ANK3: variants seen among roughly 807,000 people sequenced by gnomAD.
The protein encoded by ANK3 is ankyrin 3.
Under a neutral mutation model 370.9 loss-of-function variants are expected in ANK3, and 57 were observed. The ratio of observed to expected loss-of-function variants is 0.15; its 90% CI spans 0.12 to 0.19. ANK3 has a LOEUF of 0.19. Among genes scored for constraint, ANK3 ranks in the 10% least tolerant of loss-of-function variants. ANK3 has a pLI of 1.00. For missense variants in ANK3, 4,439 were observed against 5,302.1 expected (o/e 0.84, Z 5.06); for synonymous variants, 1,929 against 1,946.3 (o/e 0.99, Z 0.23).
chr10:60,446,950 T>C (rs548817918), intron 2 of ANK3, among the ~76,000 whole-genome samples: 16 of 152,318 alleles, frequency 1.1e-4, no homozygotes, highest in African/African-American at 3.4e-4. Context: ...GGGTCTTGTA[T>C]GTAAGAAGTA....
intron 2 of ANK3, among the ~76,000 whole-genome samples, chr10:60,419,178 A>G (rs949474082): frequency 4.6e-5 from 7 of 152,174 alleles, no homozygotes; most frequent in Non-Finnish European, 7.4e-5. Context: ...TTAAAAATCC[A>G]TTGGAAAGAG....
In ANK3 at chr10:60,070,306, A is replaced by G. The variant is rs1312144873; in HGVS notation, c.10575T>C (p.Asp3525=). Residue 3525 remains aspartate, a synonymous_variant, in exon 37 of 44, where the codon GAT becomes GAC. Coordinates refer to ENST00000280772, the MANE Select transcript of ANK3 (RefSeq NM_020987.5). The surrounding 1 kb of genome is among the most constrained non-coding windows in gnomAD (Gnocchi z 5.7). ...TTTTAAAAGGAGTGGCAAATTCTTC[A>G]TCTACTTTGTAACTGAAGTAAGTAT... ...FPDTYFSYKV[D]EEFATPFKTV... is the part of the protein sequence containing the mutation. 1.1e-5 allele frequency: 17 copies of G among 1,614,026 alleles called. No individual in the cohort carries two copies. Among genetic ancestry groups the G allele is most frequent in the Non-Finnish European group, 1.4e-5 (16 of 1,180,022 alleles).
chr10:60,390,098 G>T (rs2132871632), upstream of ANK3, among the ~76,000 whole-genome samples: 1 of 152,286 alleles, frequency 6.6e-6, no homozygotes, highest in South Asian at 2.1e-4. Context: ...TAGTTCAACT[G>T]CTGATGGTGA....
chr10:60,709,275 ATATATC>A (rs60343604), intron 1 of ANK3, among the ~76,000 whole-genome samples: 45,682 of 143,162 alleles, frequency 0.32, 7,385 homozygotes, highest in Middle Eastern at 0.38. Context: ...AACCAATAGG[ATATATC>A]TATATCTATA....
At chr10:60,060,406 G>A (rs1302134469) in intron 40 of ANK3, 1 of 154,078 alleles carries the variant, frequency 6.5e-6, no homozygotes, top group Admixed American at 6.4e-5. Context: ...TACTGTGGTG[G>A]ACTGAATACA....
chr10:60,373,820 C>T (rs1031016123), intron 1 of ANK3, among the ~76,000 whole-genome samples: 1 of 152,070 alleles, frequency 6.6e-6, no homozygotes, highest in Non-Finnish European at 1.5e-5. Flanking sequence ...AAAGTGGAAT[C>T]CTGGGAAACC....
At chr10:60,348,824 T>C (rs998158606) in intron 1 of ANK3, among the ~76,000 whole-genome samples, 2 of 152,218 alleles carry the variant, frequency 1.3e-5, no homozygotes, top group Non-Finnish European at 2.9e-5. Flanking sequence ...GACCACATTG[T>C]CTGGTACAGT....
At chr10:60,379,591 C>T (rs1387091138) in intron 1 of ANK3, among the ~76,000 whole-genome samples, 1 of 151,866 alleles carries the variant, frequency 6.6e-6, no homozygotes, top group Non-Finnish European at 1.5e-5. Context: ...TGGGGGACTT[C>T]ATGTTAAGTG....
chr10:60,199,466 A>ATTTT (rs1189451267), intron 13 of ANK3, among the ~76,000 whole-genome samples: 9 of 152,128 alleles, frequency 5.9e-5, no homozygotes, highest in Non-Finnish European at 1.3e-4. Context: ...CCAAGGAAAA[A>ATTTT]TCTCACATAC....
intron 2 of ANK3, among the ~76,000 whole-genome samples, chr10:60,544,693 A>T (rs1374798613): frequency 6.6e-6 from 1 of 152,176 alleles, no homozygotes; most frequent in Non-Finnish European, 1.5e-5. Flanking sequence ...ATGTAAAATT[A>T]GTAAGTTCTA....
chr10:60,710,948 G>T (rs952409258), intron 1 of ANK3, among the ~76,000 whole-genome samples: 2 of 152,206 alleles, frequency 1.3e-5, no homozygotes, highest in African/African-American at 4.8e-5. Flanking sequence ...CCCTTCAACA[G>T]ATTGGATGAT....
chr10:60,243,243 G>A (rs1291134351), intron 7 of ANK3, among the ~76,000 whole-genome samples: 1 of 152,134 alleles, frequency 6.6e-6, no homozygotes, highest in Non-Finnish European at 1.5e-5. Flanking sequence ...TCATATCATA[G>A]TTGCTATGGT....
intron 26 of ANK3, among the ~76,000 whole-genome samples, chr10:60,111,292 T>C (rs992765520): frequency 6.6e-6 from 1 of 152,198 alleles, no homozygotes; most frequent in Non-Finnish European, 1.5e-5. Flanking sequence ...CTGTGTTCTG[T>C]ATAGCACACA....
At chr10:60,079,602 A>G (rs1016368827) in intron 36 of ANK3, among the ~76,000 whole-genome samples, 6 of 152,224 alleles carry the variant, frequency 3.9e-5, no homozygotes, top group Non-Finnish European at 7.3e-5. Context: ...TGTCAGTGGG[A>G]AACAGCTAGG....
At chr10:60,240,961 T>G (rs1379190981) in intron 7 of ANK3, among the ~76,000 whole-genome samples, 1 of 152,204 alleles carries the variant, frequency 6.6e-6, no homozygotes, top group African/African-American at 2.4e-5. Flanking sequence ...TTCTTCATGC[T>G]TTTCTAAAAA....
At chr10:60,203,347 G>T (rs2096714165) in intron 11 of ANK3, among the ~76,000 whole-genome samples, 1 of 152,088 alleles carries the variant, frequency 6.6e-6, no homozygotes, top group African/African-American at 2.4e-5. Flanking sequence ...AAAAGAAAAA[G>T]AATTTATTTC....
At chr10:60,329,070 AT>A (rs1215393808) in intron 1 of ANK3, among the ~76,000 whole-genome samples, 3 of 152,206 alleles carry the variant, frequency 2.0e-5, no homozygotes, top group Non-Finnish European at 2.9e-5. Context: ...AAGGCCTTCA[AT>A]AAAATTCAAC....
chr10:60,704,894 G>C (rs1209516754), intron 1 of ANK3, among the ~76,000 whole-genome samples: 1 of 152,128 alleles, frequency 6.6e-6, no homozygotes, highest in Non-Finnish European at 1.5e-5. Flanking sequence ...CTAGATCATA[G>C]GTGGTATCTA....
Position 60,073,254 on chromosome 10 carries a change from G to A in ANK3, c.7627C>T (p.His2543Tyr). The A allele has an allele frequency of 1.2e-6, 2 of 1,614,064 alleles. No homozygotes were observed. The highest frequency in any genetic ancestry group is 1.1e-5 in the South Asian group (1 of 91,062). The change falls in exon 37 of 44, where the codon CAC becomes TAC. Residue 2543 changes from histidine (H) to tyrosine (Y), a missense_variant. Around this residue, in one of 13 missense-constraint regions of ANK3, gnomAD observed 1,601 missense variants for 1,731.7 expected, o/e 0.92. Coordinates refer to ENST00000280772, the MANE Select transcript of ANK3 (RefSeq NM_020987.5). Reference sequence around the variant, plus strand: ...GGACTACTAACATTGCCAGAATAGTGCAACACTGTCACTTTATCAAAATGC... The same window carrying A: ...GGACTACTAACATTGCCAGAATAGTACAACACTGTCACTTTATCAAAATGC... ...DEHFDKVTVL[H>Y]YSGNVSSPKH... is the part of the protein sequence containing the mutation.
Sources: allele counts gnomAD v4.1 joint callset (sites outside exome capture counted in the v4.1 genomes callset), GRCh38; gene constraint gnomAD v4.1.1; regional missense constraint gnomAD v4.1.1; non-coding constraint Gnocchi (gnomAD v3.1); transcripts MANE v1.5; gene names NCBI Gene and HGNC (gene_info 2026-07-23, HGNC 2026-07-21).